The following ESCO1 variants were observed in gnomAD, a reference collection of about 807,000 sequenced individuals.
ESCO1 encodes N-acetyltransferase ESCO1.
In ESCO1, 33 loss-of-function variants were observed where a neutral mutation model predicts 83.5. The observed-to-expected ratio is 0.40, with a 90% CI of 0.30 to 0.53. ESCO1 has a LOEUF of 0.53. Ranked by LOEUF, ESCO1 falls within the 20% of genes least tolerant of loss-of-function variation. The probability of loss-of-function intolerance (pLI) is 0.63; values close to 1 mark genes in which losing one functional copy is unlikely to be tolerated. For missense variants in ESCO1, 855 were observed against 968.0 expected, an observed-to-expected ratio of 0.88 and a Z score of 1.55; for synonymous variants, 332 against 324.3, an observed-to-expected ratio of 1.02 and a Z score of -0.25.
chr18:21,593,869 T>A (rs1009657995), intron 1 of ESCO1, among the ~76,000 whole-genome samples: 1 of 151,546 alleles, frequency 6.6e-6, no homozygotes, highest in Non-Finnish European at 1.5e-5. Context: ...CTGACCCTGC[T>A]ACGCTTCCCA....
chr18:21,549,074 C>T (rs1335072655), intron 8 of ESCO1, among the ~76,000 whole-genome samples: 1 of 152,124 alleles, frequency 6.6e-6, no homozygotes. Context: ...ACTGCATTTC[C>T]ATAAGATAGG....
chr18:21,553,193 G>A (rs1467867056), intron 8 of ESCO1, among the ~76,000 whole-genome samples: 2 of 152,236 alleles, frequency 1.3e-5, no homozygotes, highest in Admixed American at 1.3e-4. Flanking sequence ...GGAAGGCTAA[G>A]ATAGGAGGAT....
chr18:21,573,590 T>C lies in ESCO1; in HGVS notation c.1254A>G (p.Leu418=), dbSNP rs1598470407. 6.2e-7 allele frequency: 1 copy of C among 1,614,172 alleles called. No individual in the cohort carries two copies. Among genetic ancestry groups the C allele is most frequent in the East Asian group, 2.2e-5 (1 of 44,870 alleles). ...DSQVSPKLGL[L]RTSFSPPALE... Reference sequence around the variant, plus strand: ...AAGCTGGTGGTGAAAAACTGGTTCGTAATAAGCCTAATTTAGGGGAAACTT... The same window carrying C: ...AAGCTGGTGGTGAAAAACTGGTTCGCAATAAGCCTAATTTAGGGGAAACTT... Residue 418 remains leucine, a synonymous_variant, in exon 4 of 12, where the codon TTA becomes TTG. Transcript: ENST00000269214.
intron 6 of ESCO1, 120 bp downstream of exon 6, chr18:21,566,026 T>A (rs1188858482): frequency 4.7e-6 from 4 of 850,718 alleles, no homozygotes; most frequent in Non-Finnish European, 7.5e-6. Context: ...AAAGCTGTAA[T>A]GAAAAGAGAA....
chr18:21,566,714 G>A lies in ESCO1; in HGVS notation c.1646-508C>T, dbSNP rs371741006. On this transcript the variant is annotated intron_variant, in intron 5 of 11. Transcript: ENST00000269214. ...TGTCTCTACTAAAAATACAAAATAA[G>A]CCGGGTGTGGTGATGTGTGCCTGTA... Among the ~76,000 whole-genome samples the A allele has an allele frequency of 3.3e-4, 50 of 152,108 alleles. No individual in the cohort carries two copies. In the Middle Eastern group the frequency reaches 0.024, roughly 72 times the overall value.
chr18:21,533,548 C>T (rs1392742793), intron 10 of ESCO1, among the ~76,000 whole-genome samples: 1 of 152,096 alleles, frequency 6.6e-6, no homozygotes, highest in African/African-American at 2.4e-5. Flanking sequence ...AGCCACCGTG[C>T]CCAGCCATGA....
rs558518032 is a variant in ESCO1, at chr18:21,592,566, C to T, written c.-825+8057G>A. ...GGCCGGGCGGGGGGCTGACCCCCCA[C>T]CTCCCTCCCGGACGGGGCGGCTGGT... On this transcript the variant is annotated intron_variant, in intron 1 of 11. Coordinates refer to ENST00000269214, the MANE Select transcript of ESCO1 (RefSeq NM_052911.3). Among the ~76,000 whole-genome samples the T allele has an allele frequency of 4.0e-5, 6 of 149,410 alleles. No homozygotes were observed. The South Asian group carries it at 6.4e-4, about 16-fold the overall frequency.
In ESCO1 at chr18:21,574,927, T is replaced by A. The variant is rs1242485041; in HGVS notation, c.-84A>T. On this transcript the variant is annotated 5_prime_UTR_variant, in exon 4 of 12. Transcript: ENST00000269214. ...GGCGTGAATGCTGACTAGCTAGTAT[T>A]ATTACTGAGGAGCAGGTCTGAAAAA... The A allele has an allele frequency of 7.7e-6, 8 of 1,040,700 alleles. No individual in the cohort carries two copies. In the African/African-American group the frequency reaches 1.1e-4, roughly 15 times the overall value. 64.5% of individuals were successfully genotyped at this position (1,040,700 alleles called of 1,614,324 possible). A position where few individuals can be genotyped will look rare whatever the true frequency, so the allele number is the denominator to read the frequency against.
In ESCO1 at chr18:21,577,437, AT is replaced by A. The variant is rs368463580; in HGVS notation, c.-693-1661del. ...CACTTTGGGAGGCCGAGGCGGGCAG[AT>A]TCACGAGGTCAGGAGGTCGAGACCA... On this transcript the variant is annotated intron_variant, in intron 2 of 11. Transcript: ENST00000269214. Among the ~76,000 whole-genome samples the A allele has an allele frequency of 3.1e-3, 468 of 150,016 alleles. 3 individuals are homozygous for A. Among genetic ancestry groups the A allele is most frequent in the African/African-American group, 0.011 (446 of 40,818 alleles).
intron 1 of ESCO1, among the ~76,000 whole-genome samples, chr18:21,590,060 C>T (rs1172345773): frequency 6.6e-6 from 1 of 151,838 alleles, no homozygotes. Context: ...ATCTCCTGAC[C>T]TCGTGATCCA....
rs1280690767 is a variant in ESCO1, at chr18:21,573,794, T to C, written c.1050A>G (p.Ile350Met). 3 of 1,614,054 alleles carry C rather than the reference T, an allele frequency of 1.9e-6. No homozygotes were observed. In the African/African-American group the frequency reaches 4.0e-5, roughly 22 times the overall value. Residue 350 changes from isoleucine to methionine, a missense_variant, in exon 4 of 12, where the codon ATA becomes ATG. By Grantham distance (10) the Ile-to-Met change is conservative. Transcript: ENST00000269214. ...CCTGATTTGTTTCCTTCTGATGAAG[T>C]ATTTGTCTTTCAACACTGGTCTCTT... is the stretch of plus-strand genomic sequence containing the variant. ...KLEETSVERQ[I>M]LHQKETNQDV...
intron 9 of ESCO1, among the ~76,000 whole-genome samples, chr18:21,537,035 CAAAAGTT>C (rs1269500863): frequency 1.3e-5 from 2 of 152,140 alleles, no homozygotes; most frequent in Non-Finnish European, 2.9e-5. Context: ...AAATAATACT[CAAAAGTT>C]AAAGAACTTT....
At chr18:21,593,595 C>G (rs1183446893) in intron 1 of ESCO1, 2 of 6,530 alleles carry the variant, frequency 3.1e-4, no homozygotes, top group African/African-American at 6.5e-4. Context: ...AGAGGGAGAC[C>G]GTAGGGAGAG....
rs575543851 is a variant in ESCO1, at chr18:21,544,920, C to T, written c.1954-4911G>A. Among the ~76,000 whole-genome samples the T allele has an allele frequency of 2.0e-5, 3 of 152,222 alleles. No homozygotes were observed. In the East Asian group the frequency reaches 5.8e-4, roughly 29 times the overall value. Reference sequence around the variant, plus strand: ...ATCTAGTCAGCGTTGCAGCCAGACCCGAAGTGCAGTAAAGTAGTGACTGTA... The same window carrying T: ...ATCTAGTCAGCGTTGCAGCCAGACCTGAAGTGCAGTAAAGTAGTGACTGTA... On this transcript the variant is annotated intron_variant, in intron 8 of 11. Coordinates refer to ENST00000269214, the MANE Select transcript of ESCO1 (RefSeq NM_052911.3).
chr18:21,530,495 TAA>T lies in ESCO1; in HGVS notation c.2376-7_2376-6del. 2.5e-6 allele frequency: 2 copies of T among 798,368 alleles called. No homozygotes were observed. The highest frequency in any genetic ancestry group is 3.4e-6 in the Non-Finnish European group (2 of 584,890). The allele number at this position is 798,368 out of a possible 1,614,324, so 49.5% of individuals were successfully genotyped here. A position where few individuals can be genotyped will look rare whatever the true frequency, so the allele number is the denominator to read the frequency against. Reference sequence around the variant, plus strand: ...GAGCCATATATAAAGTTACTCCTATTAAAAAAAAATGGGGGGGGGGAAGGGTT... The same window carrying T: ...GAGCCATATATAAAGTTACTCCTATTAAAAAAATGGGGGGGGGGAAGGGTT... On this transcript the variant is annotated splice_polypyrimidine_tract_variant and splice_region_variant and intron_variant, in intron 11 of 11. Coordinates refer to ENST00000269214, the MANE Select transcript of ESCO1 (RefSeq NM_052911.3).
At chr18:21,596,496 A>C (rs2038769344) in intron 1 of ESCO1, among the ~76,000 whole-genome samples, 1 of 152,126 alleles carries the variant, frequency 6.6e-6, no homozygotes, top group Non-Finnish European at 1.5e-5. Context: ...AATATTAATA[A>C]TTAGCTATAA....
intron 8 of ESCO1, among the ~76,000 whole-genome samples, chr18:21,543,924 A>C (rs984792525): frequency 4.6e-5 from 7 of 152,186 alleles, no homozygotes; most frequent in African/African-American, 9.7e-5. Flanking sequence ...TTCAACAATT[A>C]ATTCATTTAT....
intron 10 of ESCO1, among the ~76,000 whole-genome samples, chr18:21,535,830 T>G (rs1202618749): frequency 6.6e-6 from 1 of 152,238 alleles, no homozygotes; most frequent in Non-Finnish European, 1.5e-5. Flanking sequence ...GGTATTCTGA[T>G]TCTACAGAAT....
intron 8 of ESCO1, among the ~76,000 whole-genome samples, chr18:21,557,231 A>G (rs1255217600): frequency 1.3e-5 from 2 of 152,230 alleles, no homozygotes; most frequent in African/African-American, 4.8e-5. Flanking sequence ...AATAAAGTCC[A>G]TATAGCTTTC....
Sources: allele counts gnomAD v4.1 joint callset (sites outside exome capture counted in the v4.1 genomes callset), GRCh38; gene constraint gnomAD v4.1.1; transcripts MANE v1.5; gene names NCBI Gene and HGNC (gene_info 2026-07-23, HGNC 2026-07-21).